CCDC154: variants seen among roughly 807,000 people sequenced by gnomAD.
CCDC154 encodes coiled-coil domain-containing protein 154.
CCDC154 carries 91 observed loss-of-function variants against 87.5 expected under a neutral mutation model. The observed-to-expected ratio is 1.04, with a 90% CI of 0.88 to 1.24. The LOEUF is 1.24. Ranked by LOEUF, CCDC154 falls within the 50% of genes most tolerant of loss-of-function variation. CCDC154 has a pLI of 0.00. For missense variants in CCDC154, 903 were observed against 879.2 expected, an observed-to-expected ratio of 1.03 and a Z score of -0.34; for synonymous variants, 418 against 400.4, an observed-to-expected ratio of 1.04 and a Z score of -0.52.
At position 1,440,950 on chromosome 16, in the gene CCDC154, TAA is replaced by T. The variant is rs35719330; in HGVS notation, c.675+1454_675+1455del. On this transcript the variant is annotated intron_variant, in intron 6 of 16. Coordinates refer to ENST00000389176, the MANE Select transcript of CCDC154 (RefSeq NM_001143980.3). The stretch of plus-strand genomic sequence containing the variant: ...CAGGCAACAGAGGGAGACTCCGTCT[TAA>T]AAAAAAAAAAAAAAAAATTAGCCAG... Among the ~76,000 whole-genome samples, 138 of 132,056 alleles carry T rather than the reference TAA, an allele frequency of 1.0e-3. 2 individuals carry two copies. The highest frequency in any genetic ancestry group is 4.2e-3 in the Middle Eastern group (1 of 236). 86.6% of individuals were successfully genotyped at this position (132,056 alleles called of 152,430 possible). A position where few individuals can be genotyped will look rare whatever the true frequency, so the allele number is the denominator to read the frequency against.
intron 9 of CCDC154, 130 bp from the exon 10 acceptor site, chr16:1,438,306 G>A (rs1393919617): frequency 3.4e-6 from 4 of 1,179,744 alleles, no homozygotes; most frequent in Non-Finnish European, 4.6e-6. Flanking sequence ...ATGGGGTGCG[G>A]TCACAGTGCC....
At position 1,438,876 on chromosome 16, in the gene CCDC154, C is replaced by A. The variant is rs1016490294; in HGVS notation, c.845G>T (p.Arg282Leu). ...EGSLRGELESRWEKLRGLMEE... is the reference protein window; with the variant it reads ...EGSLRGELESLWEKLRGLMEE... ...CATCAGCCCCCGAAGCTTCTCCCAC[C>A]GGCTCTCCAGCTCGCCCCGCAGGCT... Residue 282 changes from arginine to leucine, a missense_variant, in exon 8 of 17, where the codon CGG (arginine) becomes CTG (leucine). By Grantham distance (102) the Arg-to-Leu change is moderately radical. Transcript: ENST00000389176. 1.3e-6 allele frequency: 2 copies of A among 1,549,328 alleles called. No homozygotes were observed. Among genetic ancestry groups the A allele is most frequent in the Non-Finnish European group, 1.7e-6 (2 of 1,146,626 alleles).
At chr16:1,439,386 C>A (rs1350897412) in intron 6 of CCDC154, 15 of 509,244 alleles carry the variant, frequency 2.9e-5, no homozygotes, top group Non-Finnish European at 4.5e-5. Flanking sequence ...ACTTGGCACC[C>A]ACCACCGAGG....
chr16:1,434,831 G>A lies in CCDC154; in HGVS notation c.1714C>T (p.Leu572=). The A allele has an allele frequency of 6.6e-7, 1 of 1,523,198 alleles. No individual in the cohort carries two copies. The highest frequency in any genetic ancestry group is 8.8e-7 in the Non-Finnish European group (1 of 1,137,608). 94.4% of individuals were successfully genotyped at this position (1,523,198 alleles called of 1,614,324 possible). The change falls in exon 16 of 17, where the codon CTG becomes TTG. Residue 572 remains leucine, a synonymous_variant. Coordinates refer to ENST00000389176, the MANE Select transcript of CCDC154 (RefSeq NM_001143980.3). ...ARLRTQEMAT[L]WESVLRLWSE... Reference sequence around the variant, plus strand: ...CACAGCCGGAGCACACTCTCCCACAGGGTGGCCATCTCCTGCGTGCGCTGT... The same window carrying A: ...CACAGCCGGAGCACACTCTCCCACAAGGTGGCCATCTCCTGCGTGCGCTGT...
rs570615995 is a variant in CCDC154, at chr16:1,442,867, G to C, written c.551+13C>G. 3.8e-5 allele frequency: 59 copies of C among 1,547,160 alleles called. No individual in the cohort carries two copies. Among genetic ancestry groups the C allele is most frequent in the Middle Eastern group, 1.7e-4 (1 of 5,972 alleles). ...GCAAGCTCCGGAGCCAGCCACGGGC[G>C]GTGGGCGCCCACCTGAGGCCGGCCT... On this transcript the variant is annotated intron_variant, in intron 5 of 16. Coordinates refer to ENST00000389176, the MANE Select transcript of CCDC154 (RefSeq NM_001143980.3).
chr16:1,443,045 C>T, intron 4 of CCDC154, 70 bp from the exon 5 acceptor site: 2 of 1,519,356 alleles, frequency 1.3e-6, no homozygotes, highest in Non-Finnish European at 1.8e-6. Flanking sequence ...GGGGGTCTGG[C>T]CAAGGGGCCC....
At chr16:1,444,294 C>G (rs1179961299) in intron 1 of CCDC154, 22 bp downstream of exon 1, 1 of 1,302,026 alleles carries the variant, frequency 7.7e-7, no homozygotes, top group Non-Finnish European at 1.0e-6. Flanking sequence ...CTCCCTGGGC[C>G]CCGCTCCTCC....
At chr16:1,441,877 A>T (rs4786424) in intron 6 of CCDC154, among the ~76,000 whole-genome samples, 64,260 of 151,330 alleles carry the variant, frequency 0.42, 14,092 homozygotes, top group Admixed American at 0.47. Flanking sequence ...AAGTGCTGGG[A>T]TTTACAGGCG....
intron 6 of CCDC154, 117 bp from the exon 7 acceptor site, chr16:1,439,243 C>T (rs1016593850): frequency 5.5e-5 from 52 of 937,700 alleles, no homozygotes; most frequent in Middle Eastern, 6.6e-4. Context: ...GCCCTGAGCC[C>T]GGCTGAGCTG....
In CCDC154 at chr16:1,440,446, T is replaced by C. The variant is rs961005984; in HGVS notation, c.676-1320A>G. Among the ~76,000 whole-genome samples, 15 of 129,716 alleles carry C rather than the reference T, an allele frequency of 1.2e-4. No homozygotes were observed. In the East Asian group the frequency reaches 1.6e-3, roughly 14 times the overall value. The allele number at this position is 129,716 out of a possible 152,430, so 85.1% of individuals were successfully genotyped here. A position where few individuals can be genotyped will look rare whatever the true frequency, so the allele number is the denominator to read the frequency against. On this transcript the variant is annotated intron_variant, in intron 6 of 16. Coordinates refer to ENST00000389176, the MANE Select transcript of CCDC154 (RefSeq NM_001143980.3). ...GCCTGGGCAACAGAGCGAGACTCCA[T>C]CTCAGAAAAGAAAAGAGAAGGGAAG... is the stretch of plus-strand genomic sequence containing the variant.
intron 14 of CCDC154, 115 bp from the exon 15 acceptor site, chr16:1,435,290 G>T: frequency 1.1e-6 from 1 of 871,658 alleles, no homozygotes; most frequent in Non-Finnish European, 1.8e-6. Context: ...GGGGCCACCT[G>T]CTGAAATGCT....
chr16:1,434,880 C>T, intron 15 of CCDC154, 28 bp from the exon 16 acceptor site: 8 of 1,476,892 alleles, frequency 5.4e-6, no homozygotes, highest in Non-Finnish European at 7.2e-6. Flanking sequence ...TGGTGTCACC[C>T]AGGAGCCAGA....
intron 14 of CCDC154, among the ~76,000 whole-genome samples, chr16:1,435,586 C>T (rs529664415): frequency 2.6e-5 from 4 of 152,302 alleles, no homozygotes; most frequent in South Asian, 2.1e-4. Flanking sequence ...AATGCAATGG[C>T]GCGATCTTGG....
Position 1,437,852 on chromosome 16 carries a change from G to T in CCDC154, c.1255C>A (p.Leu419Met), listed in dbSNP as rs1478725916. ...HLPALSSRLD[L>M]QEQMLGLRLS... is the part of the protein sequence containing the mutation. ...CTGAGGCCCAGCATCTGCTCCTGCA[G>T]ATCGAGCCGGCTGCTCAGAGCCGGG... Residue 419 changes from leucine (L) to methionine (M), a missense_variant, in exon 11 of 17, where the codon CTG (leucine) becomes ATG (methionine). Transcript: ENST00000389176. The T allele has an allele frequency of 6.5e-7, 1 of 1,541,206 alleles. No homozygotes were observed. The highest frequency in any genetic ancestry group is 2.4e-5 in the East Asian group (1 of 40,886).
At chr16:1,435,259 T>C (rs2038490741) in intron 14 of CCDC154, 84 bp from the exon 15 acceptor site, 2 of 1,238,640 alleles carry the variant, frequency 1.6e-6, no homozygotes, top group Non-Finnish European at 2.3e-6. Context: ...TATCCACTGT[T>C]GAGTGCTTAC....
At chr16:1,440,129 C>G (rs1030622897) in intron 6 of CCDC154, among the ~76,000 whole-genome samples, 2 of 122,588 alleles carry the variant, frequency 1.6e-5, no homozygotes, top group Non-Finnish European at 3.2e-5. Flanking sequence ...GCCTGGGCGA[C>G]AGAGCGAGAC....
Position 1,440,496 on chromosome 16 carries a change from A to AGAAC in CCDC154, c.676-1371_676-1370insGTTC, listed in dbSNP as rs2038541565. Among the ~76,000 whole-genome samples the AGAAC allele has an allele frequency of 3.2e-3, 382 of 119,388 alleles. 1 individual carries two copies. Among genetic ancestry groups the AGAAC allele is most frequent in the African/African-American group, 0.012 (353 of 28,418 alleles). 78.3% of individuals were successfully genotyped at this position (119,388 alleles called of 152,430 possible). On this transcript the variant is annotated intron_variant, in intron 6 of 16. Coordinates refer to ENST00000389176, the MANE Select transcript of CCDC154 (RefSeq NM_001143980.3). Reference sequence around the variant, plus strand: ...GAGAAGAGAAGAGAAGAGAACAGAAAAGAGAAGAGAAGAGAAGAGAAGAGA... The same window carrying AGAAC: ...GAGAAGAGAAGAGAAGAGAACAGAAAGAACAGAGAAGAGAAGAGAAGAGAAGAGA...
In CCDC154 at chr16:1,442,466, G is replaced by A; in HGVS notation, c.615C>T (p.Ala205=). The change falls in exon 6 of 17, where the codon GCC becomes GCT. Residue 205 remains alanine, a synonymous_variant. Coordinates refer to ENST00000389176, the MANE Select transcript of CCDC154 (RefSeq NM_001143980.3). ...TGCTGTCCTCTTGGTTCTTCTGCAG[G>A]GCGCCGCAGGCCACCTCCCGGCCCT... ...EEQGREVACG[A]LQKNQEDSSR... is the part of the protein sequence containing the mutation. The A allele has an allele frequency of 1.3e-6, 2 of 1,550,158 alleles. No homozygotes were observed. The highest frequency in any genetic ancestry group is 2.4e-5 in the South Asian group (2 of 84,036).
Position 1,439,332 on chromosome 16 carries a change from T to C in CCDC154, c.676-206A>G. 5.1e-6 allele frequency: 3 copies of C among 589,214 alleles called. No homozygotes were observed. In the East Asian group the frequency reaches 8.4e-5, roughly 17 times the overall value. The allele number at this position is 589,214 out of a possible 1,614,324, so 36.5% of individuals were successfully genotyped here. A position where few individuals can be genotyped will look rare whatever the true frequency, so the allele number is the denominator to read the frequency against. Reference sequence around the variant, plus strand: ...ACCCAGACGACCAACCAGGCATGGGTTTGTGAAGCATGAGAAGGCCACGCT... The same window carrying C: ...ACCCAGACGACCAACCAGGCATGGGCTTGTGAAGCATGAGAAGGCCACGCT... On this transcript the variant is annotated intron_variant, in intron 6 of 16. Coordinates refer to ENST00000389176, the MANE Select transcript of CCDC154 (RefSeq NM_001143980.3).
Sources: gnomAD v4.1 joint callset for allele counts (sites outside exome capture counted in the v4.1 genomes callset) on GRCh38, gnomAD v4.1.1 for gene constraint, MANE v1.5 for transcripts, NCBI Gene and HGNC (gene_info 2026-07-23, HGNC 2026-07-21) for gene names.